Variants in FAM53A observed in about 807,000 individuals in gnomAD.
The protein encoded by FAM53A is family with sequence similarity 53 member A.
Under a neutral mutation model 26.6 loss-of-function variants are expected in FAM53A, and 28 were observed. The observed-to-expected ratio is 1.05, with a 90% confidence interval of 0.78 to 1.45. FAM53A has a LOEUF of 1.45. FAM53A is among the 40% of genes most tolerant of loss of function. The probability of loss-of-function intolerance (pLI) is 0.00; values close to 1 mark genes in which losing one functional copy is unlikely to be tolerated. For synonymous variants in FAM53A, 290 were observed against 253.1 expected, an observed-to-expected ratio of 1.15 and a Z score of -1.38; for missense variants, 650 against 575.8, an observed-to-expected ratio of 1.13 and a Z score of -1.32.
At chr4:1,628,054 T>G (rs1223389002) in intron 1 of FAM53A, among the ~76,000 whole-genome samples, 1 of 7,938 alleles carries the variant, frequency 1.3e-4, no homozygotes, top group Non-Finnish European at 2.3e-4. Context: ...AGGGTGCACC[T>G]CAGGGGGTGG....
At chr4:1,599,928 C>T in the FAM53A span, among the ~76,000 whole-genome samples, 1 of 152,004 alleles carries the variant, frequency 6.6e-6, no homozygotes, top group African/African-American at 2.4e-5. The surrounding 1 kb of genome is among the most constrained non-coding windows in gnomAD (Gnocchi z 6.1). Context: ...CCCTCCCCCT[C>T]CTATTTCCTC....
Position 1,659,661 on chromosome 4 carries a change from CA to C in FAM53A, c.76-2194del, listed in dbSNP as rs1296401828. 6.6e-6 allele frequency among the ~76,000 whole-genome samples: 1 copy of C among 152,194 alleles called. No homozygotes were observed. The highest frequency in any genetic ancestry group is 1.9e-4 in the East Asian group (1 of 5,194). ...CAGGAAAGGCTGGGCAGCCAGGTCC[CA>C]CAGGCTCAGGCAGGGGGCTTGTCAA... On this transcript the variant is annotated intron_variant, in intron 2 of 4. Coordinates refer to ENST00000308132, the MANE Select transcript of FAM53A (RefSeq NM_001174070.3). This position sits in a 1 kb window ranked among gnomAD's most constrained non-coding sequence, Gnocchi z 5.2.
upstream of FAM53A, among the ~76,000 whole-genome samples, chr4:1,685,477 A>AT (rs1217370072): frequency 1.8e-4 from 28 of 151,970 alleles, no homozygotes; most frequent in African/African-American, 6.0e-4. Context: ...GGTTCCGGGA[A>AT]TAGGCTATGG....
At chr4:1,625,650 C>T (rs1337599697) in intron 1 of FAM53A, among the ~76,000 whole-genome samples, 1 of 122,522 alleles carries the variant, frequency 8.2e-6, no homozygotes, top group Admixed American at 8.0e-5. Context: ...CAGAAGGCCC[C>T]ACGTCCCGAC....
chr4:1,676,890 A>G (rs898904140), intron 1 of FAM53A, among the ~76,000 whole-genome samples: 2 of 152,242 alleles, frequency 1.3e-5, no homozygotes, highest in South Asian at 2.1e-4. Context: ...TCCAAAGTTC[A>G]TAATTCCTTC....
At chr4:1,681,587 C>T (rs1383970540) in intron 1 of FAM53A, among the ~76,000 whole-genome samples, 1 of 151,056 alleles carries the variant, frequency 6.6e-6, no homozygotes, top group African/African-American at 2.4e-5. Context: ...GCCTCCACCT[C>T]CCTGGCTGAA....
intron 1 of FAM53A, among the ~76,000 whole-genome samples, chr4:1,626,089 C>T (rs1375657859): frequency 7.2e-5 from 11 of 152,184 alleles, no homozygotes; most frequent in Non-Finnish European, 4.4e-5. Context: ...TGAGCCCCTG[C>T]CGTCCTTCTG....
chr4:1,637,036 A>T (rs191827233), downstream of FAM53A, among the ~76,000 whole-genome samples: 1 of 152,156 alleles, frequency 6.6e-6, no homozygotes, highest in Non-Finnish European at 1.5e-5. Flanking sequence ...GCTGCACCAG[A>T]GCACGGGCAG....
At chr4:1,662,400 A>G in intron 2 of FAM53A, among the ~76,000 whole-genome samples, 1 of 149,962 alleles carries the variant, frequency 6.7e-6, no homozygotes, top group Non-Finnish European at 1.5e-5. Context: ...ACTCTCTCGA[A>G]CCCAGGAGGT....
At chr4:1,665,369 G>A (rs1249439077) in intron 2 of FAM53A, among the ~76,000 whole-genome samples, 1 of 151,500 alleles carries the variant, frequency 6.6e-6, no homozygotes, top group Non-Finnish European at 1.5e-5. Context: ...CACCCCTGTA[G>A]TCCCAGCTAC....
chr4:1,651,118 G>A (rs1402889803), intron 4 of FAM53A, among the ~76,000 whole-genome samples: 4 of 151,656 alleles, frequency 2.6e-5, no homozygotes, highest in East Asian at 2.0e-4. Flanking sequence ...TCGGGAAGCT[G>A]AGGCAGGAGA....
chr4:1,644,422 A>G (rs1712053499), intron 4 of FAM53A: 6 of 1,496,078 alleles, frequency 4.0e-6, no homozygotes, highest in Admixed American at 2.0e-5. Context: ...GCCCACAGAC[A>G]CGGCAGCTGT....
chr4:1,583,694 C>A, the FAM53A span, among the ~76,000 whole-genome samples: 1 of 152,220 alleles, frequency 6.6e-6, no homozygotes, highest in Non-Finnish European at 1.5e-5. Flanking sequence ...GTCCCTCCTC[C>A]CGGGGCTTGT....
Position 1,640,724 on chromosome 4 carries a change from A to T in FAM53A, c.*569T>A. 2.9e-6 allele frequency: 1 copy of T among 345,746 alleles called. No homozygotes were observed. The highest frequency in any genetic ancestry group is 5.3e-6 in the Non-Finnish European group (1 of 189,556). 21.4% of individuals were successfully genotyped at this position (345,746 alleles called of 1,614,324 possible). A position where few individuals can be genotyped will look rare whatever the true frequency, so the allele number is the denominator to read the frequency against. The stretch of plus-strand genomic sequence containing the variant: ...AGTGCAGGCGGCAGCCGTGGCCCCG[A>T]CCAACTCACAGGAAACCTACTCTGT... On this transcript the variant is annotated 3_prime_UTR_variant, in exon 5 of 5. Transcript: ENST00000308132.
At chr4:1,654,271 C>T (rs1319501385) in intron 4 of FAM53A, among the ~76,000 whole-genome samples, 1 of 152,202 alleles carries the variant, frequency 6.6e-6, no homozygotes, top group Non-Finnish European at 1.5e-5. Flanking sequence ...CCTCCCCGAG[C>T]GCTGCCGGGC....
downstream of FAM53A, among the ~76,000 whole-genome samples, chr4:1,639,175 C>T (rs1715983746): frequency 6.6e-6 from 1 of 152,050 alleles, no homozygotes. Flanking sequence ...CCATGTCCTG[C>T]AGACCAGTGG....
chr4:1,583,724 T>C, the FAM53A span, among the ~76,000 whole-genome samples: 1 of 152,218 alleles, frequency 6.6e-6, no homozygotes, highest in Non-Finnish European at 1.5e-5. Context: ...GAAGCGTTAG[T>C]GTCGTTCTTG....
intron 1 of FAM53A, among the ~76,000 whole-genome samples, chr4:1,623,167 C>A (rs1233696372): frequency 1.3e-5 from 2 of 152,218 alleles, no homozygotes; most frequent in Non-Finnish European, 2.9e-5. Flanking sequence ...CAGTCCACGG[C>A]CAGGGCCCTG....
intron 1 of FAM53A, among the ~76,000 whole-genome samples, chr4:1,626,499 A>G (rs1715310419): frequency 6.6e-6 from 1 of 150,510 alleles, no homozygotes; most frequent in Non-Finnish European, 1.5e-5. Context: ...GCCCGGGGGG[A>G]CCAGGGGAGG....
Sources: allele counts gnomAD v4.1 joint callset (sites outside exome capture counted in the v4.1 genomes callset), GRCh38; gene constraint gnomAD v4.1.1; non-coding constraint Gnocchi (gnomAD v3.1); transcripts MANE v1.5; gene names NCBI Gene and HGNC (gene_info 2026-07-23, HGNC 2026-07-21).